GRID1: variants seen among roughly 807,000 people sequenced by gnomAD.
GRID1 encodes the protein glutamate ionotropic receptor delta type subunit 1.
Under a neutral mutation model 98.0 loss-of-function variants are expected in GRID1, and 28 were observed. The ratio of observed to expected loss-of-function variants is 0.29; its 90% CI spans 0.21 to 0.39. The LOEUF is 0.39. GRID1 is among the 10% of genes least tolerant of loss of function. GRID1 has a pLI of 1.00. For missense variants in GRID1, 1,111 were observed against 1,340.5 expected (o/e 0.83, Z 2.67); for synonymous variants, 553 against 538.5 (o/e 1.03, Z -0.37).
In GRID1 at chr10:86,266,255, G is replaced by A. The variant is rs181578808; in HGVS notation, c.236-59607C>T. Among the ~76,000 whole-genome samples, 651 of 151,966 alleles carry A rather than the reference G, an allele frequency of 4.3e-3. 4 individuals are homozygous for A. Among genetic ancestry groups the A allele is most frequent in the African/African-American group, 0.015 (619 of 41,420 alleles). ...GACCCCAGCTATGACTCCAGGACCT[G>A]CCACCAACCCCCAATGCACAGCACC... On this transcript the variant is annotated intron_variant, in intron 2 of 15. Coordinates refer to ENST00000327946, the MANE Select transcript of GRID1 (RefSeq NM_017551.3).
At chr10:86,363,801 G>C in intron 2 of GRID1, 140 bp downstream of exon 2, 1 of 692,870 alleles carries the variant, frequency 1.4e-6, no homozygotes, top group South Asian at 1.9e-5. Context: ...GGGAAGGCGC[G>C]CCACCGCGCA....
At position 86,192,764 on chromosome 10, in the gene GRID1, G is replaced by A. The variant is rs946812806; in HGVS notation, c.520+13600C>T. 1.3e-5 allele frequency among the ~76,000 whole-genome samples: 2 copies of A among 152,024 alleles called. No homozygotes were observed. Among genetic ancestry groups the A allele is most frequent in the African/African-American group, 4.8e-5 (2 of 41,394 alleles). ...CTTCCCAGAGCACAGGTAGAATCCA[G>A]CACACAGGACCAGGGCCAACAGGTG... On this transcript the variant is annotated intron_variant, in intron 3 of 15. Transcript: ENST00000327946. The surrounding 1 kb of genome is among the most constrained non-coding windows in gnomAD (Gnocchi z 4.8).
rs79521709 is a variant in GRID1 at position 85,901,076 on chromosome 10, C to T, written c.780+15110G>A. On this transcript the variant is annotated intron_variant, in intron 5 of 15. Transcript: ENST00000327946. ...GAACAGAACTATAAATGCTGCGACG[C>T]GGATTCATAACAAGTAACAAGAGGA... Among the ~76,000 whole-genome samples the T allele has an allele frequency of 2.3e-3, 354 of 152,040 alleles. 3 individuals are homozygous for T. Among genetic ancestry groups the T allele is most frequent in the African/African-American group, 7.9e-3 (329 of 41,470 alleles).
At chr10:85,811,959 AC>A (rs1842675867) in intron 8 of GRID1, among the ~76,000 whole-genome samples, 1 of 152,196 alleles carries the variant, frequency 6.6e-6, no homozygotes, top group South Asian at 2.1e-4. Flanking sequence ...CAAGAGAAAA[AC>A]AGCAAGTCAG....
chr10:85,739,115 T>C (rs934638156), intron 8 of GRID1, among the ~76,000 whole-genome samples: 17 of 152,068 alleles, frequency 1.1e-4, no homozygotes, highest in Non-Finnish European at 1.8e-4. Context: ...TATTTAAATA[T>C]AGTTAAGGTT....
intron 8 of GRID1, among the ~76,000 whole-genome samples, chr10:85,807,889 T>C (rs1459953868): frequency 6.6e-6 from 1 of 152,180 alleles, no homozygotes; most frequent in Admixed American, 6.5e-5. Flanking sequence ...CAAGAGAAAC[T>C]CTTGTACATC....
At chr10:85,954,912 A>G (rs1842170169) in intron 4 of GRID1, among the ~76,000 whole-genome samples, 1 of 152,234 alleles carries the variant, frequency 6.6e-6, no homozygotes, top group Non-Finnish European at 1.5e-5. Context: ...AAAATGTCAA[A>G]CCCACTGCAG....
chr10:86,025,956 G>C (rs1343559448), intron 4 of GRID1, among the ~76,000 whole-genome samples: 1 of 152,196 alleles, frequency 6.6e-6, no homozygotes, highest in Non-Finnish European at 1.5e-5. Flanking sequence ...TAGTCCTTCT[G>C]TGCCCTGGGG....
intron 4 of GRID1, among the ~76,000 whole-genome samples, chr10:86,075,076 G>A (rs1429093884): frequency 6.7e-6 from 1 of 149,326 alleles, no homozygotes; most frequent in Non-Finnish European, 1.5e-5. Flanking sequence ...AGAGGCCTGG[G>A]AGGAGAGTCC....
intron 5 of GRID1, among the ~76,000 whole-genome samples, chr10:85,884,046 TCA>T (rs1165152119): frequency 2.6e-5 from 4 of 152,212 alleles, no homozygotes; most frequent in Admixed American, 1.3e-4. Flanking sequence ...CTCAGGGTTT[TCA>T]CAGTTGGGCA....
intron 12 of GRID1, among the ~76,000 whole-genome samples, chr10:85,666,348 G>A (rs1309355631): frequency 6.6e-6 from 1 of 152,090 alleles, no homozygotes; most frequent in African/African-American, 2.4e-5. Flanking sequence ...GTTTCTCAGG[G>A]GCCAGCTCTA....
chr10:85,613,097 C>T (rs1322427376), intron 15 of GRID1: 9 of 360,322 alleles, frequency 2.5e-5, no homozygotes, highest in South Asian at 9.2e-5. Context: ...GGCACATGGG[C>T]GGGGCAGGGT....
At chr10:86,019,743 C>T (rs115674106) in intron 4 of GRID1, among the ~76,000 whole-genome samples, 2,049 of 152,292 alleles carry the variant, frequency 0.013, 48 homozygotes, top group African/African-American at 0.046. Flanking sequence ...AGGATTCAAA[C>T]AGAGGTCTGG....
At chr10:86,233,106 T>C (rs1846481520) in intron 2 of GRID1, among the ~76,000 whole-genome samples, 1 of 151,664 alleles carries the variant, frequency 6.6e-6, no homozygotes, top group South Asian at 2.1e-4. Flanking sequence ...TGGCAGAGGC[T>C]GGGGGACAGG....
At position 86,166,412 on chromosome 10, in the gene GRID1, C is replaced by T. The variant is rs980229391; in HGVS notation, c.521-27388G>A. On this transcript the variant is annotated intron_variant, in intron 3 of 15. Coordinates refer to ENST00000327946, the MANE Select transcript of GRID1 (RefSeq NM_017551.3). Reference sequence around the variant, plus strand: ...ATATGAACAGACACTTCTCAAAAAACGACATTTATGCAGCCAACAGACATT... The same window carrying T: ...ATATGAACAGACACTTCTCAAAAAATGACATTTATGCAGCCAACAGACATT... Among the ~76,000 whole-genome samples, 77 of 152,202 alleles carry T rather than the reference C, an allele frequency of 5.1e-4. 1 individual carries two copies. The highest frequency in any genetic ancestry group is 3.9e-3 in the Admixed American group (59 of 15,284).
At chr10:86,357,220 G>C (rs1252927437) in intron 2 of GRID1, among the ~76,000 whole-genome samples, 1 of 152,256 alleles carries the variant, frequency 6.6e-6, no homozygotes, top group Admixed American at 6.5e-5. Flanking sequence ...GCTGTTTCCA[G>C]GCTGGGAGGG....
chr10:85,954,168 T>C (rs1297654683), intron 4 of GRID1, among the ~76,000 whole-genome samples: 1 of 152,082 alleles, frequency 6.6e-6, no homozygotes, highest in Non-Finnish European at 1.5e-5. Flanking sequence ...GAAGTTCTGG[T>C]CCCAGAAAAC....
chr10:85,865,930 T>TAC lies in GRID1; in HGVS notation c.951+3079_951+3080insGT, dbSNP rs1490134132. Among the ~76,000 whole-genome samples the TAC allele has an allele frequency of 1.4e-4, 16 of 114,484 alleles. No individual in the cohort carries two copies. The South Asian group carries it at 2.8e-3, about 20-fold the overall frequency. 75.1% of individuals were successfully genotyped at this position (114,484 alleles called of 152,430 possible). ...ATATATACATATATATATATATATA[T>TAC]ATATATATATATACACATATATATG... On this transcript the variant is annotated intron_variant, in intron 6 of 15. Transcript: ENST00000327946.
chr10:85,750,139 A>C (rs1842032688), intron 8 of GRID1, among the ~76,000 whole-genome samples: 1 of 152,202 alleles, frequency 6.6e-6, no homozygotes. Flanking sequence ...TAAATTATAA[A>C]GATATGCATA....
Sources: gnomAD v4.1 joint callset for allele counts (sites outside exome capture counted in the v4.1 genomes callset) on GRCh38, gnomAD v4.1.1 for gene constraint, Gnocchi (gnomAD v3.1) non-coding constraint, MANE v1.5 for transcripts, NCBI Gene and HGNC (gene_info 2026-07-23, HGNC 2026-07-21) for gene names.